NELL1: variants seen among roughly 807,000 people sequenced by gnomAD.
NELL1 encodes the protein neural EGFL like 1.
In NELL1, 76 loss-of-function variants were observed where a neutral mutation model predicts 107.4. The observed-to-expected ratio is 0.71, with a 90% CI of 0.59 to 0.86. The LOEUF (loss-of-function observed/expected upper bound fraction) is 0.86. NELL1 is among the 40% of genes least tolerant of loss of function. NELL1 has a pLI of 0.00. For synonymous variants in NELL1, 353 were observed against 341.2 expected, an observed-to-expected ratio of 1.03 and a Z score of -0.38; for missense variants, 1,024 against 1,005.5, an observed-to-expected ratio of 1.02 and a Z score of -0.25.
At chr11:20,945,062 AAC>A (rs1850935158) in intron 10 of NELL1, among the ~76,000 whole-genome samples, 1 of 152,218 alleles carries the variant, frequency 6.6e-6, no homozygotes, top group Non-Finnish European at 1.5e-5. Context: ...ATAATCTTTT[AAC>A]AGTTTGATTT....
chr11:20,826,075 A>T (rs2134030471), intron 3 of NELL1, among the ~76,000 whole-genome samples: 1 of 151,330 alleles, frequency 6.6e-6, no homozygotes, highest in South Asian at 2.1e-4. Context: ...GTGAAGAAGG[A>T]TGTGTTTGCT....
chr11:20,674,165 T>C (rs1793007), intron 1 of NELL1, among the ~76,000 whole-genome samples: 8,127 of 152,188 alleles, frequency 0.053, 733 homozygotes, highest in African/African-American at 0.19. Context: ...GGGGAGCGAA[T>C]ATACATGTCA....
intron 14 of NELL1, among the ~76,000 whole-genome samples, chr11:21,313,864 T>A (rs1475311634): frequency 6.6e-6 from 1 of 152,036 alleles, no homozygotes; most frequent in East Asian, 1.9e-4. Flanking sequence ...AGGGGCCTGG[T>A]GAGAGGTGAT....
intron 2 of NELL1, among the ~76,000 whole-genome samples, chr11:20,703,140 T>C (rs1009055963): frequency 6.6e-6 from 1 of 152,196 alleles, no homozygotes; most frequent in African/African-American, 2.4e-5. Context: ...TGCTGGACTT[T>C]TTTTGGCTGG....
intron 12 of NELL1, among the ~76,000 whole-genome samples, chr11:21,101,194 T>C (rs555910480): frequency 1.3e-5 from 2 of 152,312 alleles, no homozygotes; most frequent in East Asian, 3.9e-4. Context: ...CTGCATAGTA[T>C]TCCATGGTGT....
At chr11:21,312,881 C>T (rs923210822) in intron 14 of NELL1, among the ~76,000 whole-genome samples, 3 of 152,054 alleles carry the variant, frequency 2.0e-5, no homozygotes, top group African/African-American at 7.2e-5. Flanking sequence ...ACTCACCTCT[C>T]AGAGGAGAGG....
chr11:21,471,527 A>T (rs1854182006), intron 15 of NELL1, among the ~76,000 whole-genome samples: 1 of 152,092 alleles, frequency 6.6e-6, no homozygotes, highest in South Asian at 2.1e-4. Flanking sequence ...AGTTTCAAAG[A>T]TTAAGTGAAT....
At chr11:21,039,475 C>G (rs1376033370) in intron 12 of NELL1, among the ~76,000 whole-genome samples, 1 of 152,074 alleles carries the variant, frequency 6.6e-6, no homozygotes, top group African/African-American at 2.4e-5. Flanking sequence ...CGTGAGCCAC[C>G]ACACCTGGCC....
intron 3 of NELL1, among the ~76,000 whole-genome samples, chr11:20,817,383 G>A (rs951449049): frequency 3.3e-5 from 5 of 152,102 alleles, no homozygotes; most frequent in Admixed American, 2.0e-4. Flanking sequence ...TGTGTATCCA[G>A]GAATTTATCC....
chr11:20,913,704 G>A (rs1206566125), intron 5 of NELL1, among the ~76,000 whole-genome samples: 1 of 151,938 alleles, frequency 6.6e-6, no homozygotes, highest in Non-Finnish European at 1.5e-5. Flanking sequence ...CCGTCCATCC[G>A]TACTAAATAG....
At chr11:21,139,875 G>A (rs891236358) in intron 13 of NELL1, among the ~76,000 whole-genome samples, 2 of 152,142 alleles carry the variant, frequency 1.3e-5, no homozygotes, top group Non-Finnish European at 2.9e-5. Flanking sequence ...GCAACACAAG[G>A]ATGTCATCAA....
chr11:20,774,929 G>A (rs561120816), intron 2 of NELL1, among the ~76,000 whole-genome samples: 1 of 152,054 alleles, frequency 6.6e-6, no homozygotes, highest in South Asian at 2.1e-4. Flanking sequence ...GAGGAGGGTT[G>A]CTGGTCAGTT....
At chr11:21,335,029 A>G (rs757115541) in intron 14 of NELL1, among the ~76,000 whole-genome samples, 1 of 152,022 alleles carries the variant, frequency 6.6e-6, no homozygotes, top group Non-Finnish European at 1.5e-5. Context: ...CTCTCTGAAC[A>G]CATTAAGCCA....
intron 15 of NELL1, among the ~76,000 whole-genome samples, chr11:21,436,750 T>C (rs1853133427): frequency 6.6e-6 from 1 of 152,188 alleles, no homozygotes; most frequent in African/African-American, 2.4e-5. Context: ...TCAACTTTTA[T>C]AAAATAGACA....
intron 12 of NELL1, among the ~76,000 whole-genome samples, chr11:21,012,783 C>G (rs1852475830): frequency 6.6e-6 from 1 of 151,974 alleles, no homozygotes; most frequent in South Asian, 2.1e-4. Context: ...GTAGGGGCCA[C>G]AAGATCAGAT....
chr11:20,793,795 T>C (rs1857119458), intron 3 of NELL1, among the ~76,000 whole-genome samples: 1 of 152,140 alleles, frequency 6.6e-6, no homozygotes, highest in Admixed American at 6.6e-5. Context: ...TGATTTCTGG[T>C]TTTATTGTTA....
intron 19 of NELL1, 149 bp downstream of exon 19, chr11:21,573,558 G>C: frequency 1.4e-6 from 1 of 702,334 alleles, no homozygotes. Context: ...AATTTAATAT[G>C]TATGAATATT....
At chr11:21,238,219 A>T (rs1242743295) in intron 14 of NELL1, among the ~76,000 whole-genome samples, 1 of 152,082 alleles carries the variant, frequency 6.6e-6, no homozygotes, top group Non-Finnish European at 1.5e-5. Flanking sequence ...TCATCAACAC[A>T]TCAACAAGTC....
chr11:20,755,755 C>G (rs1590264314), intron 2 of NELL1, among the ~76,000 whole-genome samples: 1 of 151,332 alleles, frequency 6.6e-6, no homozygotes, highest in East Asian at 2.0e-4. Context: ...GGGGTTTCAC[C>G]ATGTTGGCCA....
Sources: gnomAD v4.1 joint callset for allele counts (sites outside exome capture counted in the v4.1 genomes callset) on GRCh38, gnomAD v4.1.1 for gene constraint, MANE v1.5 for transcripts, NCBI Gene and HGNC (gene_info 2026-07-23, HGNC 2026-07-21) for gene names.